Variants in KIAA1217 observed in about 807,000 individuals in gnomAD.
KIAA1217 encodes the protein sickle tail protein homolog.
KIAA1217 carries 88 observed loss-of-function variants against 163.9 expected under a neutral mutation model. The ratio of observed to expected loss-of-function variants is 0.54; its 90% CI spans 0.45 to 0.64. KIAA1217 has a LOEUF of 0.64. Among genes scored for constraint, KIAA1217 ranks in the 30% least tolerant of loss-of-function variants. KIAA1217 has a pLI of 0.00. For synonymous variants in KIAA1217, 903 were observed against 923.1 expected (o/e 0.98, Z 0.39); for missense variants, 2,372 against 2,475.0 (o/e 0.96, Z 0.88).
intron 3 of KIAA1217, among the ~76,000 whole-genome samples, chr10:24,420,619 T>C (rs1173779503): frequency 6.6e-6 from 1 of 152,216 alleles, no homozygotes; most frequent in Non-Finnish European, 1.5e-5. Context: ...CATGTGGTGT[T>C]TTTAGTTTTT....
chr10:23,914,511 T>G (rs767599673), intron 1 of KIAA1217, among the ~76,000 whole-genome samples: 1 of 151,976 alleles, frequency 6.6e-6, no homozygotes, highest in Non-Finnish European at 1.5e-5. Flanking sequence ...ATAGGGGTCT[T>G]GCTGTGTTGT....
intron 2 of KIAA1217, among the ~76,000 whole-genome samples, chr10:24,113,029 C>A (rs1236667392): frequency 4.6e-5 from 7 of 152,118 alleles, no homozygotes; most frequent in Non-Finnish European, 2.9e-5. Flanking sequence ...AACAGATTCT[C>A]TCTCCAGCCT....
At chr10:24,150,111 G>T (rs2064536946) in intron 2 of KIAA1217, among the ~76,000 whole-genome samples, 1 of 152,066 alleles carries the variant, frequency 6.6e-6, no homozygotes, top group Non-Finnish European at 1.5e-5. Flanking sequence ...TCTGTCTCCT[G>T]GGTTCAAGTG....
At chr10:24,477,652 C>T (rs576817015) in intron 6 of KIAA1217, among the ~76,000 whole-genome samples, 13 of 152,302 alleles carry the variant, frequency 8.5e-5, no homozygotes, top group African/African-American at 2.4e-4. Context: ...AATTATGCTG[C>T]TAAATATACA....
intron 1 of KIAA1217, among the ~76,000 whole-genome samples, chr10:23,947,410 C>T (rs1844105051): frequency 6.6e-6 from 1 of 152,178 alleles, no homozygotes; most frequent in Non-Finnish European, 1.5e-5. Context: ...CTTTGACTTG[C>T]AATTGGAGTA....
chr10:23,758,011 T>C (rs1421439930), intron 1 of KIAA1217, among the ~76,000 whole-genome samples: 2 of 152,192 alleles, frequency 1.3e-5, no homozygotes, highest in Non-Finnish European at 2.9e-5. Flanking sequence ...GGGTTGTCTT[T>C]TTACTCCTTT....
intron 2 of KIAA1217, among the ~76,000 whole-genome samples, chr10:24,298,293 T>A (rs992433444): frequency 1.3e-5 from 2 of 152,184 alleles, no homozygotes; most frequent in Non-Finnish European, 2.9e-5. Flanking sequence ...TTAGAAATTT[T>A]TTTTTTCTCA....
chr10:23,807,213 T>C (rs1267909669), intron 1 of KIAA1217, among the ~76,000 whole-genome samples: 2 of 152,240 alleles, frequency 1.3e-5, no homozygotes, highest in Admixed American at 6.5e-5. Flanking sequence ...CGAATGGACA[T>C]TTTTACTCTC....
At chr10:24,157,416 G>T (rs576773942) in intron 2 of KIAA1217, among the ~76,000 whole-genome samples, 1 of 152,222 alleles carries the variant, frequency 6.6e-6, no homozygotes, top group Admixed American at 6.5e-5. Context: ...TGTGTGTTTT[G>T]CAAAGAACTT....
chr10:23,805,931 G>A lies in KIAA1217; in HGVS notation c.-321+110697G>A, dbSNP rs528139628. ...CTCAGGGGGCTGAGTGAGGAGAATC[G>A]CTTGATACTGGGAGGCGGAGTTTGC... On this transcript the variant is annotated intron_variant, in intron 1 of 18. Coordinates refer to the KIAA1217 transcript ENST00000376462. Among the ~76,000 whole-genome samples, 21 of 133,194 alleles carry A rather than the reference G, an allele frequency of 1.6e-4. No individual in the cohort carries two copies. In the South Asian group the frequency reaches 4.5e-3, roughly 28 times the overall value. 87.4% of individuals were successfully genotyped at this position (133,194 alleles called of 152,430 possible).
intron 1 of KIAA1217, among the ~76,000 whole-genome samples, chr10:23,901,230 C>G (rs1841941876): frequency 6.6e-6 from 1 of 152,176 alleles, no homozygotes; most frequent in Non-Finnish European, 1.5e-5. Context: ...AGGTAACTTG[C>G]TCAAGATCTC....
At chr10:24,013,414 A>T (rs1008819239) in intron 2 of KIAA1217, among the ~76,000 whole-genome samples, 1 of 152,066 alleles carries the variant, frequency 6.6e-6, no homozygotes, top group Non-Finnish European at 1.5e-5. Context: ...AAACACACAT[A>T]AAAAAGGTTA....
intron 4 of KIAA1217, among the ~76,000 whole-genome samples, chr10:24,436,585 C>T (rs2060046880): frequency 1.3e-5 from 2 of 151,452 alleles, no homozygotes; most frequent in South Asian, 2.1e-4. Flanking sequence ...AGTGAAAACC[C>T]GTCTCTACGG....
chr10:24,382,844 CTT>C (rs1161576107), intron 3 of KIAA1217, among the ~76,000 whole-genome samples: 700 of 44,358 alleles, frequency 0.016, 12 homozygotes, highest in African/African-American at 0.098. Flanking sequence ...TTTTTCTTTT[CTT>C]TTTTTTTTTT....
At chr10:23,987,660 A>C (rs1390764491) in intron 1 of KIAA1217, among the ~76,000 whole-genome samples, 1 of 151,602 alleles carries the variant, frequency 6.6e-6, no homozygotes, top group African/African-American at 2.4e-5. Context: ...GAATCCTTAA[A>C]ATCTACTCTC....
At chr10:23,944,741 GA>G (rs1843935368) in intron 1 of KIAA1217, among the ~76,000 whole-genome samples, 1 of 152,050 alleles carries the variant, frequency 6.6e-6, no homozygotes, top group South Asian at 2.1e-4. Context: ...GATATAATGG[GA>G]AAAAAAGTTT....
chr10:24,406,876 A>G lies in KIAA1217; in HGVS notation c.553+25809A>G, dbSNP rs183145644. On this transcript the variant is annotated intron_variant, in intron 3 of 20. Transcript: ENST00000376454. ...GTAGCCTCAAACTCTAAAAACATGT[A>G]CAATTGCCACTCCTCTGTGTGAAGA... is the stretch of plus-strand genomic sequence containing the variant. Among the ~76,000 whole-genome samples, 132 of 152,320 alleles carry G rather than the reference A, an allele frequency of 8.7e-4. 2 individuals are homozygous for G. The East Asian group carries it at 0.014, about 16-fold the overall frequency.
At chr10:24,097,181 A>G (rs1269711459) in intron 2 of KIAA1217, among the ~76,000 whole-genome samples, 1 of 152,216 alleles carries the variant, frequency 6.6e-6, no homozygotes, top group Non-Finnish European at 1.5e-5. Flanking sequence ...TAGAATGGTG[A>G]CAATAGGAAG....
intron 1 of KIAA1217, among the ~76,000 whole-genome samples, chr10:23,970,931 G>A (rs78523773): frequency 0.04 from 6,124 of 152,272 alleles, 198 homozygotes; most frequent in African/African-American, 0.082. Context: ...AGGAGACCAA[G>A]GCAAGTTTTA....
Sources: allele counts gnomAD v4.1 joint callset (sites outside exome capture counted in the v4.1 genomes callset), GRCh38; gene constraint gnomAD v4.1.1; transcripts MANE v1.5; gene names NCBI Gene and HGNC (gene_info 2026-07-23, HGNC 2026-07-21).